MAP3K1: variants seen among roughly 807,000 people sequenced by gnomAD.
MAP3K1 encodes mitogen-activated protein kinase kinase kinase 1.
In MAP3K1, 36 loss-of-function variants were observed where a neutral mutation model predicts 144.2. The observed-to-expected ratio is 0.25, with a 90% CI of 0.19 to 0.33. The LOEUF (loss-of-function observed/expected upper bound fraction) is 0.33. MAP3K1 is among the 10% of genes least tolerant of loss of function. MAP3K1 has a pLI of 1.00. For missense variants in MAP3K1, 1,650 were observed against 1,881.9 expected (o/e 0.88, Z 2.28); for synonymous variants, 718 against 688.7 (o/e 1.04, Z -0.67).
chr5:56,878,959 C>T, intron 10 of MAP3K1, 21 bp from the exon 11 acceptor site: 1 of 1,613,016 alleles, frequency 6.2e-7, no homozygotes, highest in Non-Finnish European at 8.5e-7. Flanking sequence ...CATAAACTGA[C>T]CTTCAGATTT....
intron 3 of MAP3K1, among the ~76,000 whole-genome samples, chr5:56,860,832 G>GT (rs1747485703): frequency 6.6e-6 from 1 of 151,062 alleles, no homozygotes; most frequent in Non-Finnish European, 1.5e-5. Context: ...CAGCCTGGGC[G>GT]ACAACAGCGA....
chr5:56,888,368 G>T lies in MAP3K1; in HGVS notation c.4389+11G>T. The T allele has an allele frequency of 1.9e-6, 3 of 1,613,492 alleles. No homozygotes were observed. The highest frequency in any genetic ancestry group is 2.5e-6 in the Non-Finnish European group (3 of 1,179,696). ...GCTTTGATATTTAAGGTAATTGTGAGATAAAAATTACTTCTTTGTGCTAAA... is the reference window on the plus strand; with the variant it reads ...GCTTTGATATTTAAGGTAATTGTGATATAAAAATTACTTCTTTGTGCTAAA... On this transcript the variant is annotated intron_variant, in intron 19 of 19. Transcript: ENST00000399503.
chr5:56,891,157 CCCCA>C (rs1458689287), intron 19 of MAP3K1, among the ~76,000 whole-genome samples: 1 of 148,030 alleles, frequency 6.8e-6, no homozygotes, highest in African/African-American at 2.5e-5. Flanking sequence ...CACCCCCCCC[CCCCA>C]CACACACACA....
intron 1 of MAP3K1, among the ~76,000 whole-genome samples, chr5:56,823,965 T>C (rs1167417080): frequency 1.3e-5 from 2 of 152,228 alleles, no homozygotes; most frequent in Non-Finnish European, 2.9e-5. Context: ...TGCATTAATA[T>C]AATTATTCTT....
chr5:56,862,150 C>G (rs1747534006), intron 3 of MAP3K1: 3 of 152,176 alleles, frequency 2.0e-5, no homozygotes, highest in African/African-American at 7.2e-5. Context: ...GATGAAAGGT[C>G]CAAGACTGCT....
intron 1 of MAP3K1, among the ~76,000 whole-genome samples, chr5:56,829,252 A>G (rs1746413913): frequency 6.7e-6 from 1 of 149,930 alleles, no homozygotes; most frequent in African/African-American, 2.5e-5. Flanking sequence ...CATGATCATG[A>G]CTCACTGCAG....
chr5:56,884,686 C>T lies in MAP3K1; in HGVS notation c.3842C>T (p.Ser1281Phe). The T allele has an allele frequency of 6.2e-7, 1 of 1,613,784 alleles. No homozygotes were observed. The highest frequency in any genetic ancestry group is 8.5e-7 in the Non-Finnish European group (1 of 1,179,844). ...CAGGTGACTTATGTCAGAAACACAT[C>T]TTCTGAGCAAGAAGAAGTAGTAGAA... ...VKQVTYVRNT[S>F]SEQEEVVEAL... The change falls in exon 16 of 20, where the codon TCT (serine) becomes TTT (phenylalanine). Residue 1281 changes from serine (S) to phenylalanine (F), a missense_variant. Ser to Phe is a radical substitution (Grantham distance 155, BLOSUM62 -2). This residue lies in a region of MAP3K1 where 165 missense variants were observed against 322.9 expected (regional missense o/e 0.51). Transcript: ENST00000399503.
At chr5:56,839,451 T>C (rs975343203) in intron 1 of MAP3K1, among the ~76,000 whole-genome samples, 1 of 152,238 alleles carries the variant, frequency 6.6e-6, no homozygotes, top group Non-Finnish European at 1.5e-5. Flanking sequence ...TGAGGGGTGA[T>C]AGATTAAGAT....
intron 18 of MAP3K1, 151 bp from the exon 19 acceptor site, chr5:56,888,075 T>C: frequency 1.5e-6 from 1 of 669,110 alleles, no homozygotes; most frequent in Admixed American, 2.8e-5. Flanking sequence ...ATTAAGCTCA[T>C]TAATGAAATA....
At chr5:56,819,957 A>G (rs1250607169) in intron 1 of MAP3K1, among the ~76,000 whole-genome samples, 3 of 152,230 alleles carry the variant, frequency 2.0e-5, no homozygotes, top group Non-Finnish European at 2.9e-5. Flanking sequence ...CATGAAAGAA[A>G]TAATCAGGGC....
chr5:56,819,029 A>G (rs190774282), intron 1 of MAP3K1, among the ~76,000 whole-genome samples: 245 of 149,962 alleles, frequency 1.6e-3, no homozygotes, highest in Non-Finnish European at 2.9e-3. Flanking sequence ...AGGTAGTCAC[A>G]TAAGTTAGTC....
rs2111726160 is a variant in MAP3K1 at position 56,815,754 on chromosome 5, C to T, written c.181C>T (p.Gln61Ter). 1 of 1,374,004 alleles carries T rather than the reference C, an allele frequency of 7.3e-7. No homozygotes were observed. The highest frequency in any genetic ancestry group is 9.4e-7 in the Non-Finnish European group (1 of 1,059,958). The allele number at this position is 1,374,004 out of a possible 1,614,324, so 85.1% of individuals were successfully genotyped here. The stretch of plus-strand genomic sequence containing the variant: ...CGAGCGGGCGGACTGGCGGCGGCGG[C>T]AGCTGCGCAAAGTGCGGAGTGTGGA... ...GRERADWRRR[Q>*]LRKVRSVELD... is the part of the protein sequence containing the mutation. Residue 61 changes from glutamine to a stop codon, truncating the protein, a stop_gained, in exon 1 of 20, where the codon CAG (glutamine) becomes TAG (stop). Transcript: ENST00000399503. LOFTEE classifies it high-confidence loss of function.
Position 56,815,851 on chromosome 5 carries a change from C to T in MAP3K1, c.278C>T (p.Pro93Leu), listed in dbSNP as rs756296943. The T allele has an allele frequency of 4.3e-6, 6 of 1,401,442 alleles. No homozygotes were observed. The highest frequency in any genetic ancestry group is 2.5e-4 in the Middle Eastern group (1 of 3,924). 86.8% of individuals were successfully genotyped at this position (1,401,442 alleles called of 1,614,324 possible). ...SPPASSTSPS[P>L]EPADAAGSGT... ...CCGGCCTCCTCGACTTCCCCGTCGCCGGAGCCCGCGGACGCAGCGGGGAGT... is the reference window on the plus strand; with the variant it reads ...CCGGCCTCCTCGACTTCCCCGTCGCTGGAGCCCGCGGACGCAGCGGGGAGT... The change falls in exon 1 of 20, where the codon CCG becomes CTG. Residue 93 changes from proline to leucine, a missense_variant. Pro to Leu is a moderately conservative substitution (Grantham distance 98). Transcript: ENST00000399503.
intron 9 of MAP3K1, among the ~76,000 whole-genome samples, chr5:56,874,392 A>G (rs961247678): frequency 3.3e-5 from 5 of 152,188 alleles, no homozygotes; most frequent in Non-Finnish European, 7.3e-5. Flanking sequence ...AGCATATACT[A>G]TAATTCTACG....
intron 19 of MAP3K1, among the ~76,000 whole-genome samples, chr5:56,892,201 T>G (rs1309894476): frequency 1.3e-5 from 2 of 152,242 alleles, no homozygotes; most frequent in African/African-American, 4.8e-5. Context: ...TGTCCTCTTT[T>G]ATTTCATTGA....
chr5:56,829,568 T>C (rs1746427134), intron 1 of MAP3K1, among the ~76,000 whole-genome samples: 1 of 152,146 alleles, frequency 6.6e-6, no homozygotes, highest in Admixed American at 6.5e-5. Flanking sequence ...AGTAATTATT[T>C]TTTGTCTTGG....
chr5:56,885,811 G>A, intron 16 of MAP3K1, 121 bp from the exon 17 acceptor site: 1 of 802,786 alleles, frequency 1.2e-6, no homozygotes, highest in African/African-American at 1.7e-5. Context: ...GTTTTGAAAT[G>A]TTTTTCTTCT....
chr5:56,816,979 C>T (rs1212055357), intron 1 of MAP3K1: 2 of 712,056 alleles, frequency 2.8e-6, no homozygotes, highest in Non-Finnish European at 3.4e-6. Flanking sequence ...CCGGCTTGGC[C>T]CGGGGACTGC....
intron 1 of MAP3K1, chr5:56,817,012 C>T (rs1251400110): frequency 3.1e-6 from 3 of 972,220 alleles, no homozygotes; most frequent in Non-Finnish European, 3.7e-6. Flanking sequence ...GTGCTTCCTG[C>T]TCGGTGCCCT....
Sources: allele counts gnomAD v4.1 joint callset (sites outside exome capture counted in the v4.1 genomes callset), GRCh38; gene constraint gnomAD v4.1.1; regional missense constraint gnomAD v4.1.1; transcripts MANE v1.5; gene names NCBI Gene and HGNC (gene_info 2026-07-23, HGNC 2026-07-21).